Variants in SNRNP200 observed in about 807,000 individuals in gnomAD.
SNRNP200 encodes the protein U5 small nuclear ribonucleoprotein 200 kDa helicase.
SNRNP200 carries 66 observed loss-of-function variants against 255.2 expected under a neutral mutation model. The ratio of observed to expected loss-of-function variants is 0.26; its 90% CI spans 0.21 to 0.32. SNRNP200 has a LOEUF of 0.32. SNRNP200 is among the 10% of genes least tolerant of loss of function. The probability of loss-of-function intolerance (pLI) is 1.00; values close to 1 mark genes in which losing one functional copy is unlikely to be tolerated. For missense variants in SNRNP200, 1,585 were observed against 2,749.8 expected (o/e 0.58, Z 9.47); for synonymous variants, 939 against 1,027.8 (o/e 0.91, Z 1.65).
rs1336648379 is a variant in SNRNP200, at chr2:96,274,650, T to TA, written c.*361dup. The TA allele has an allele frequency of 8.4e-6, 3 of 355,258 alleles. No individual in the cohort carries two copies. The highest frequency in any genetic ancestry group is 5.4e-6 in the Non-Finnish European group (1 of 184,026). 22.0% of individuals were successfully genotyped at this position (355,258 alleles called of 1,614,324 possible). On this transcript the variant is annotated 3_prime_UTR_variant, in exon 45 of 45. Transcript: ENST00000323853. ...ACTCATTAACAAGCACGTTCCTGGC[T>TA]AAAAAATAACCAGATCTTTTTGGCC...
rs773166087 is a variant in SNRNP200, at chr2:96,287,812, G to A, written c.3365+51C>T. 7.3e-6 allele frequency: 11 copies of A among 1,514,008 alleles called. No individual in the cohort carries two copies. In the South Asian group the frequency reaches 1.1e-4, roughly 15 times the overall value. 93.8% of individuals were successfully genotyped at this position (1,514,008 alleles called of 1,614,324 possible). A position where few individuals can be genotyped will look rare whatever the true frequency, so the allele number is the denominator to read the frequency against. ...TGAGGCTTTCCCATCAGACCCTTGG[G>A]TTGGGGACCCCCACTCATGGTGACC... On this transcript the variant is annotated intron_variant, in intron 25 of 44. Coordinates refer to ENST00000323853, the MANE Select transcript of SNRNP200 (RefSeq NM_014014.5). This position sits in a 1 kb window ranked among gnomAD's most constrained non-coding sequence, Gnocchi z 5.7.
rs554334970 is a variant in SNRNP200 at position 96,301,465 on chromosome 2, C to T, written c.574+59G>A. Reference sequence around the variant, plus strand: ...TTTAAATGAATGATGCTAGAAGATGCATGTTTAGGGGTCAACAACAACCAA... The same window carrying T: ...TTTAAATGAATGATGCTAGAAGATGTATGTTTAGGGGTCAACAACAACCAA... On this transcript the variant is annotated intron_variant, in intron 4 of 44. Coordinates refer to ENST00000323853, the MANE Select transcript of SNRNP200 (RefSeq NM_014014.5). 2.2e-5 allele frequency: 33 copies of T among 1,512,914 alleles called. 1 individual carries two copies. The South Asian group carries it at 3.3e-4, about 15-fold the overall frequency. 93.7% of individuals were successfully genotyped at this position (1,512,914 alleles called of 1,614,324 possible).
rs558466862 is a variant in SNRNP200 at position 96,287,376 on chromosome 2, T to C, written c.3484+63A>G. 5.3e-5 allele frequency: 69 copies of C among 1,298,990 alleles called. No homozygotes were observed. Among genetic ancestry groups the C allele is most frequent in the Admixed American group, 2.9e-4 (17 of 59,622 alleles). The allele number at this position is 1,298,990 out of a possible 1,614,324, so 80.5% of individuals were successfully genotyped here. A position where few individuals can be genotyped will look rare whatever the true frequency, so the allele number is the denominator to read the frequency against. ...TGCACAGGCCTAGGAACAGGAAGACTACATAGGCAAACTGGGAGAGACACC... is the reference window on the plus strand; with the variant it reads ...TGCACAGGCCTAGGAACAGGAAGACCACATAGGCAAACTGGGAGAGACACC... On this transcript the variant is annotated intron_variant, in intron 26 of 44. Transcript: ENST00000323853. This position sits in a 1 kb window ranked among gnomAD's most constrained non-coding sequence, Gnocchi z 5.7.
At chr2:96,284,082 C>T in intron 31 of SNRNP200, 78 bp from the exon 32 acceptor site, 3 of 1,350,718 alleles carry the variant, frequency 2.2e-6, no homozygotes, top group South Asian at 1.3e-5. Flanking sequence ...TTGTGAACAG[C>T]CCAACAGCCT....
Position 96,278,229 on chromosome 2 carries a change from G to A in SNRNP200, c.5610+8C>T. 1 of 1,614,188 alleles carries A rather than the reference G, an allele frequency of 6.2e-7. No homozygotes were observed. The highest frequency in any genetic ancestry group is 8.5e-7 in the Non-Finnish European group (1 of 1,180,026). ...CCAGGATGCTCTCCTGAAGTCTGCT[G>A]TCCTCACCTGCCTCAGGAGATTGTC... On this transcript the variant is annotated splice_region_variant and intron_variant, in intron 39 of 44. Transcript: ENST00000323853. The surrounding 1 kb of genome is among the most constrained non-coding windows in gnomAD (Gnocchi z 6.9).
chr2:96,291,618 T>G lies in SNRNP200; in HGVS notation c.2311-116A>C, dbSNP rs1348451624. 1 of 1,265,786 alleles carries G rather than the reference T, an allele frequency of 7.9e-7. No homozygotes were observed. Among genetic ancestry groups the G allele is most frequent in the African/African-American group, 1.5e-5 (1 of 68,260 alleles). 78.4% of individuals were successfully genotyped at this position (1,265,786 alleles called of 1,614,324 possible). ...TAACTATTATGTGGAATAGTAATAA[T>G]CACATCCAGACAATCAACCTTAACC... On this transcript the variant is annotated intron_variant, in intron 17 of 44. Coordinates refer to ENST00000323853, the MANE Select transcript of SNRNP200 (RefSeq NM_014014.5). This position sits in a 1 kb window ranked among gnomAD's most constrained non-coding sequence, Gnocchi z 4.2.
intron 21 of SNRNP200, 130 bp downstream of exon 21, chr2:96,289,668 AT>A: frequency 2.3e-6 from 2 of 862,228 alleles, no homozygotes; most frequent in Non-Finnish European, 3.9e-6. Flanking sequence ...AAAGCTACCC[AT>A]TTTTCTGCTG....
chr2:96,282,507 G>A (rs2063809343), intron 34 of SNRNP200: 1 of 177,884 alleles, frequency 5.6e-6, no homozygotes, highest in South Asian at 1.2e-4. Context: ...AGACGGTTTG[G>A]ATCTGTGTCT....
At chr2:96,294,742 T>C (rs938401801) in intron 14 of SNRNP200, among the ~76,000 whole-genome samples, 5 of 152,218 alleles carry the variant, frequency 3.3e-5, no homozygotes, top group African/African-American at 7.2e-5. Context: ...GCTTCCTCAC[T>C]CATTCCCTCA....
chr2:96,279,517 G>C lies in SNRNP200; in HGVS notation c.5067C>G (p.Gly1689=), dbSNP rs1295675673. 1 of 1,614,082 alleles carries C rather than the reference G, an allele frequency of 6.2e-7. No individual in the cohort carries two copies. Among genetic ancestry groups the C allele is most frequent in the Admixed American group, 1.7e-5 (1 of 60,032 alleles). The change falls in exon 36 of 45, where the codon GGC becomes GGG. Residue 1689 remains glycine, a synonymous_variant. Coordinates refer to ENST00000323853, the MANE Select transcript of SNRNP200 (RefSeq NM_014014.5). ...YPIYDVLQMV[G]HANRPLQDDE... is the part of the protein sequence containing the mutation. ...CGTCCTGCAAAGGGCGGTTGGCGTGGCCCACCATCTGAAGCACGTCATAGA... is the reference window on the plus strand; with the variant it reads ...CGTCCTGCAAAGGGCGGTTGGCGTGCCCCACCATCTGAAGCACGTCATAGA...
At position 96,278,177 on chromosome 2, in the gene SNRNP200, T is replaced by G; in HGVS notation, c.5610+60A>C. On this transcript the variant is annotated intron_variant, in intron 39 of 44. Coordinates refer to ENST00000323853, the MANE Select transcript of SNRNP200 (RefSeq NM_014014.5). This position sits in a 1 kb window ranked among gnomAD's most constrained non-coding sequence, Gnocchi z 6.9. Reference sequence around the variant, plus strand: ...TTGGTGGCAGGGATGCCATGTGCTCTGGGCACACAGGCCGAGTTTGTTGTT... The same window carrying G: ...TTGGTGGCAGGGATGCCATGTGCTCGGGGCACACAGGCCGAGTTTGTTGTT... The G allele has an allele frequency of 6.2e-7, 1 of 1,613,120 alleles. No individual in the cohort carries two copies. Among genetic ancestry groups the G allele is most frequent in the Non-Finnish European group, 8.5e-7 (1 of 1,179,486 alleles).
In SNRNP200 at chr2:96,290,877, G is replaced by C; in HGVS notation, c.2422-62C>G. 1 of 1,607,696 alleles carries C rather than the reference G, an allele frequency of 6.2e-7. No individual in the cohort carries two copies. Among genetic ancestry groups the C allele is most frequent in the Non-Finnish European group, 8.5e-7 (1 of 1,175,848 alleles). On this transcript the variant is annotated intron_variant, in intron 18 of 44. Transcript: ENST00000323853. The surrounding 1 kb of genome is among the most constrained non-coding windows in gnomAD (Gnocchi z 4.5). The stretch of plus-strand genomic sequence containing the variant: ...GCCATCACCAGGGGTTAATATCCCT[G>C]GCTTCTCTAGGCAGTTGGCCTCAGA...
In SNRNP200 at chr2:96,278,806, G is replaced by T; in HGVS notation, c.5323+3C>A. The T allele has an allele frequency of 6.2e-7, 1 of 1,614,206 alleles. No individual in the cohort carries two copies. The highest frequency in any genetic ancestry group is 1.1e-5 in the South Asian group (1 of 91,068). Reference sequence around the variant, plus strand: ...GATCACGTGTGCTCCCAAGCCCACTGACCCTGCAGGTTGTAGTAATTGGGG... The same window carrying T: ...GATCACGTGTGCTCCCAAGCCCACTTACCCTGCAGGTTGTAGTAATTGGGG... On this transcript the variant is annotated splice_donor_region_variant and intron_variant, in intron 37 of 44. Coordinates refer to ENST00000323853, the MANE Select transcript of SNRNP200 (RefSeq NM_014014.5). The surrounding 1 kb of genome is among the most constrained non-coding windows in gnomAD (Gnocchi z 6.9).
At chr2:96,288,571 G>T in intron 24 of SNRNP200, 92 bp downstream of exon 24, 2 of 1,114,252 alleles carry the variant, frequency 1.8e-6, no homozygotes, top group Non-Finnish European at 2.7e-6. Context: ...ATCTCACTAG[G>T]GTCGGGCCTC....
Position 96,274,854 on chromosome 2 carries a change from GC to G in SNRNP200, c.*157del, listed in dbSNP as rs2104326749. 4 of 786,952 alleles carry G rather than the reference GC, an allele frequency of 5.1e-6. No individual in the cohort carries two copies. The South Asian group carries it at 5.7e-5, about 11-fold the overall frequency. The allele number at this position is 786,952 out of a possible 1,614,324, so 48.7% of individuals were successfully genotyped here. A position where few individuals can be genotyped will look rare whatever the true frequency, so the allele number is the denominator to read the frequency against. ...CCTGCTGTCACTGGATCCAGAGTGA[GC>G]AAGGGAAAGGAAGTGGAGGTAGGCG... On this transcript the variant is annotated 3_prime_UTR_variant, in exon 45 of 45. Coordinates refer to ENST00000323853, the MANE Select transcript of SNRNP200 (RefSeq NM_014014.5).
rs908649349 is a variant in SNRNP200 at position 96,301,674 on chromosome 2, C to G, written c.424G>C (p.Val142Leu). The change falls in exon 4 of 45, where the codon GTT (valine) becomes CTT (leucine). Residue 142 changes from valine to leucine, a missense_variant. This residue lies in a region of SNRNP200 where 383 missense variants were observed against 645.3 expected (regional missense o/e 0.59). Transcript: ENST00000323853. Reference sequence around the variant, plus strand: ...TCCCGCAGCTTTTCATTCTTTAGAACAGCTAGAACTTCATCAGCTGCCCCA... The same window carrying G: ...TCCCGCAGCTTTTCATTCTTTAGAAGAGCTAGAACTTCATCAGCTGCCCCA... ...LCGAADEVLA[V>L]LKNEKLRDKE... The G allele has an allele frequency of 6.2e-7, 1 of 1,614,168 alleles. No individual in the cohort carries two copies. The highest frequency in any genetic ancestry group is 1.1e-5 in the South Asian group (1 of 91,082).
At chr2:96,275,585 A>G (rs1573986406) in intron 43 of SNRNP200, among the ~76,000 whole-genome samples, 1 of 152,228 alleles carries the variant, frequency 6.6e-6, no homozygotes, top group Admixed American at 6.5e-5. Context: ...GTGCCAAGGT[A>G]CCTTCTCCCA....
intron 14 of SNRNP200, among the ~76,000 whole-genome samples, chr2:96,294,332 G>A (rs1261171131): frequency 6.6e-6 from 1 of 152,034 alleles, no homozygotes; most frequent in Non-Finnish European, 1.5e-5. Context: ...CAGCTACTCG[G>A]GAGACTGAGG....
chr2:96,275,998 T>G (rs1213448015), intron 43 of SNRNP200, among the ~76,000 whole-genome samples: 1 of 152,070 alleles, frequency 6.6e-6, no homozygotes, highest in African/African-American at 2.4e-5. Flanking sequence ...AGAGCGAGAC[T>G]CCGTCTCAAA....
Sources: allele counts gnomAD v4.1 joint callset (sites outside exome capture counted in the v4.1 genomes callset), GRCh38; gene constraint gnomAD v4.1.1; regional missense constraint gnomAD v4.1.1; non-coding constraint Gnocchi (gnomAD v3.1); transcripts MANE v1.5; gene names NCBI Gene and HGNC (gene_info 2026-07-23, HGNC 2026-07-21).